The following TNS1 variants were observed in gnomAD, a reference collection of about 807,000 sequenced individuals.
TNS1 encodes the protein tensin-1.
Under a neutral mutation model 168.6 loss-of-function variants are expected in TNS1, and 62 were observed. The ratio of observed to expected loss-of-function variants is 0.37; its 90% CI spans 0.30 to 0.45. The LOEUF (loss-of-function observed/expected upper bound fraction) is 0.45, where lower values mean the gene tolerates loss of function less well. Ranked by LOEUF, TNS1 falls within the 20% of genes least tolerant of loss-of-function variation. TNS1 has a pLI of 1.00. For missense variants in TNS1, 2,240 were observed against 2,339.4 expected, an observed-to-expected ratio of 0.96 and a Z score of 0.88; for synonymous variants, 934 against 933.2, an observed-to-expected ratio of 1.00 and a Z score of -0.02.
rs1946508192 is a variant in TNS1 at position 217,845,426 on chromosome 2, AC to A, written c.3007+2083del. 2.0e-5 allele frequency among the ~76,000 whole-genome samples: 3 copies of A among 152,196 alleles called. No individual in the cohort carries two copies. In the South Asian group the frequency reaches 6.2e-4, roughly 32 times the overall value. On this transcript the variant is annotated intron_variant, in intron 19 of 32. Coordinates refer to ENST00000682258, the MANE Select transcript of TNS1 (RefSeq NM_001387777.1). ...CTTTATCTACACAGGCACTGCAGAT[AC>A]CCTGAAAGGCTACTAAGGAAGTTAC...
At chr2:217,834,796 C>T (rs1357791473) in intron 21 of TNS1, among the ~76,000 whole-genome samples, 2 of 152,186 alleles carry the variant, frequency 1.3e-5, no homozygotes, top group Non-Finnish European at 1.5e-5. Flanking sequence ...GGTAAAAAGA[C>T]TCAAAACAAG....
At chr2:217,842,130 G>A in intron 19 of TNS1, 1 of 702,912 alleles carries the variant, frequency 1.4e-6, no homozygotes, top group Non-Finnish European at 2.6e-6. Context: ...TGGAATGTGG[G>A]AGGTTCCAGG....
rs111209699 is a variant in TNS1 at position 217,990,337 on chromosome 2, A to G, written c.148+605T>C. Among the ~76,000 whole-genome samples the G allele has an allele frequency of 3.9e-3, 466 of 120,736 alleles. 2 individuals carry two copies. Among genetic ancestry groups the G allele is most frequent in the African/African-American group, 0.013 (422 of 31,618 alleles). 79.2% of individuals were successfully genotyped at this position (120,736 alleles called of 152,430 possible). On this transcript the variant is annotated intron_variant, in intron 2 of 32. Transcript: ENST00000682258. ...ACCCTGACCACGACCTCCACATGCC[A>G]CCACACACCAGCCACACACCCTCAA...
intron 3 of TNS1, among the ~76,000 whole-genome samples, chr2:217,932,559 G>A (rs1023342396): frequency 2.6e-5 from 4 of 152,062 alleles, no homozygotes; most frequent in African/African-American, 9.7e-5. Context: ...CTATGCACTG[G>A]GCTCAGTTCT....
chr2:217,978,379 A>G (rs1049568949), intron 3 of TNS1, among the ~76,000 whole-genome samples: 2 of 152,080 alleles, frequency 1.3e-5, no homozygotes, highest in African/African-American at 4.8e-5. Context: ...AATTGAGCCA[A>G]CTGGGGTTGT....
At chr2:218,007,220 CCT>C (rs1016628082), upstream of TNS1, among the ~76,000 whole-genome samples, 1 of 152,164 alleles carries the variant, frequency 6.6e-6, no homozygotes, top group African/African-American at 2.4e-5. Context: ...GGACCTCCAC[CCT>C]CTCAGCCCCT....
At chr2:217,864,991 T>C (rs912351123) in intron 18 of TNS1, among the ~76,000 whole-genome samples, 6 of 152,106 alleles carry the variant, frequency 3.9e-5, no homozygotes, top group Admixed American at 2.6e-4. Context: ...TGTGGTTCCA[T>C]GCATGAGAGG....
At chr2:217,920,335 CT>C in intron 3 of TNS1, 99 bp from the exon 4 acceptor site, 5 of 693,866 alleles carry the variant, frequency 7.2e-6, no homozygotes, top group Admixed American at 4.0e-5. Flanking sequence ...GCTTCATTCC[CT>C]CACACGGGCT....
rs114471219 is a variant in TNS1, at chr2:217,946,025, G to A, written c.187-25789C>T. 5.2e-3 allele frequency among the ~76,000 whole-genome samples: 789 copies of A among 152,230 alleles called. 5 individuals are homozygous for A. The highest frequency in any genetic ancestry group is 0.017 in the African/African-American group (721 of 41,514). On this transcript the variant is annotated intron_variant, in intron 3 of 32. Transcript: ENST00000682258. The stretch of plus-strand genomic sequence containing the variant: ...CAACCCACATCCGTATTATCCCAAC[G>A]GACATCAAAGCGTCCCAGCTCCCCA...
chr2:218,012,823 A>G (rs548775364), upstream of TNS1, among the ~76,000 whole-genome samples: 2 of 152,330 alleles, frequency 1.3e-5, no homozygotes, highest in East Asian at 3.9e-4. Flanking sequence ...GATTCTAGCC[A>G]GGACCCCCTT....
rs369857435 is a variant in TNS1, at chr2:217,896,496, A to G, written c.543+1302T>C. Reference sequence around the variant, plus strand: ...GGAGATGGAGGTAGAGATTGGAGTGATGCGCTACAAACCAAGGAATCCCAC... The same window carrying G: ...GGAGATGGAGGTAGAGATTGGAGTGGTGCGCTACAAACCAAGGAATCCCAC... On this transcript the variant is annotated intron_variant, in intron 8 of 32. Transcript: ENST00000682258. Among the ~76,000 whole-genome samples the G allele has an allele frequency of 4.0e-4, 61 of 152,334 alleles. No homozygotes were observed. The East Asian group carries it at 6.7e-3, about 17-fold the overall frequency.
chr2:217,996,396 G>A lies in TNS1; in HGVS notation c.34-5340C>T, dbSNP rs148435036. On this transcript the variant is annotated intron_variant, in intron 1 of 32. Coordinates refer to ENST00000682258, the MANE Select transcript of TNS1 (RefSeq NM_001387777.1). ...GGGCATCCAGCGTCGTTTATGTGGG[G>A]AAGGCTCAGATCCCCAGTGGGGCTG... is the stretch of plus-strand genomic sequence containing the variant. Among the ~76,000 whole-genome samples, 170 of 152,252 alleles carry A rather than the reference G, an allele frequency of 1.1e-3. 1 individual carries two copies. Among genetic ancestry groups the A allele is most frequent in the African/African-American group, 3.8e-3 (159 of 41,538 alleles).
chr2:217,994,833 A>C (rs768715297), intron 1 of TNS1, among the ~76,000 whole-genome samples: 27 of 152,262 alleles, frequency 1.8e-4, no homozygotes, highest in Non-Finnish European at 3.2e-4. Flanking sequence ...GGGATGCCCC[A>C]GGACATTCCT....
intron 4 of TNS1, among the ~76,000 whole-genome samples, chr2:217,919,823 G>C (rs1056236646): frequency 6.6e-6 from 1 of 152,168 alleles, no homozygotes. Flanking sequence ...GTCATCCCCC[G>C]CCTCCAGCCC....
chr2:217,872,993 C>A (rs1356089209), intron 18 of TNS1, among the ~76,000 whole-genome samples: 2 of 152,200 alleles, frequency 1.3e-5, no homozygotes, highest in Non-Finnish European at 2.9e-5. Flanking sequence ...GACAAATCTA[C>A]AGAGACAGAA....
chr2:217,979,278 G>A (rs1957978828), intron 2 of TNS1, among the ~76,000 whole-genome samples: 1 of 151,732 alleles, frequency 6.6e-6, no homozygotes, highest in Non-Finnish European at 1.5e-5. Context: ...CCAGGAGCGG[G>A]CCCACGCATA....
At chr2:217,815,378 C>T (rs1941726664) in intron 24 of TNS1, 2 of 205,040 alleles carry the variant, frequency 9.8e-6, no homozygotes, top group Non-Finnish European at 2.0e-5. Flanking sequence ...CTTGCCAACA[C>T]CTTGATTTTG....
Position 217,854,855 on chromosome 2 carries a change from C to T in TNS1, c.1430-5768G>A, listed in dbSNP as rs1002524159. Among the ~76,000 whole-genome samples the T allele has an allele frequency of 2.8e-4, 43 of 152,146 alleles. 1 individual carries two copies. Among genetic ancestry groups the T allele is most frequent in the Admixed American group, 7.2e-4 (11 of 15,272 alleles). On this transcript the variant is annotated intron_variant, in intron 18 of 32. Transcript: ENST00000682258. Reference sequence around the variant, plus strand: ...GCTCTGGAGAGGAGACAGGGAAGTGCGCCTTCCCACCCCACCTCGGCAGCC... The same window carrying T: ...GCTCTGGAGAGGAGACAGGGAAGTGTGCCTTCCCACCCCACCTCGGCAGCC...
intron 3 of TNS1, among the ~76,000 whole-genome samples, chr2:217,926,059 C>T (rs1320450780): frequency 6.6e-6 from 1 of 152,150 alleles, no homozygotes; most frequent in Non-Finnish European, 1.5e-5. Context: ...TCCAATCTGA[C>T]TGGTGTCCTT....
Sources: allele counts gnomAD v4.1 joint callset (sites outside exome capture counted in the v4.1 genomes callset), GRCh38; gene constraint gnomAD v4.1.1; transcripts MANE v1.5; gene names NCBI Gene and HGNC (gene_info 2026-07-23, HGNC 2026-07-21).